MSH3: variants seen among roughly 807,000 people sequenced by gnomAD.
MSH3 encodes the protein DNA mismatch repair protein Msh3.
A neutral mutation model predicts 123.3 loss-of-function variants in MSH3; 106 were observed. The observed-to-expected ratio is 0.86, with a 90% CI of 0.73 to 1.01. The LOEUF (loss-of-function observed/expected upper bound fraction) is 1.01. MSH3 is among the 50% of genes least tolerant of loss of function. The pLI, the probability that MSH3 is intolerant of heterozygous loss-of-function variation, is 0.00. For missense variants in MSH3, 1,459 were observed against 1,347.6 expected, an observed-to-expected ratio of 1.08 and a Z score of -1.29; for synonymous variants, 515 against 481.4, an observed-to-expected ratio of 1.07 and a Z score of -0.91.
rs540342240 is a variant in MSH3 at position 80,831,083 on chromosome 5, A to G, written c.2813+17342A>G. On this transcript the variant is annotated intron_variant, in intron 20 of 23. Transcript: ENST00000265081. ...AAGTCAGAAACATCATAAATCAAAA[A>G]TGCACTTAATACTCCAGTAAGCTCG... Among the ~76,000 whole-genome samples the G allele has an allele frequency of 3.9e-5, 6 of 152,328 alleles. No individual in the cohort carries two copies. The East Asian group carries it at 9.6e-4, about 24-fold the overall frequency.
chr5:80,731,030 G>A (rs750152215), intron 10 of MSH3, among the ~76,000 whole-genome samples: 5 of 150,980 alleles, frequency 3.3e-5, no homozygotes, highest in Non-Finnish European at 7.4e-5. Flanking sequence ...CACCTCCCAA[G>A]TAGCTGGGAT....
rs571589401 is a variant in MSH3 at position 80,772,470 on chromosome 5, T to C, written c.2254-3224T>C. Among the ~76,000 whole-genome samples, 4 of 152,224 alleles carry C rather than the reference T, an allele frequency of 2.6e-5. 1 individual carries two copies. In the East Asian group the frequency reaches 7.7e-4, roughly 29 times the overall value. ...TTGCCAGCCCAGTGATACCACAGGC[T>C]ATATAGATTGAATAACAATATCTGG... is the stretch of plus-strand genomic sequence containing the variant. On this transcript the variant is annotated intron_variant, in intron 15 of 23. Coordinates refer to ENST00000265081, the MANE Select transcript of MSH3 (RefSeq NM_002439.5).
Position 80,864,926 on chromosome 5 carries a change from A to T in MSH3, c.3114A>T (p.Glu1038Asp). 1 of 1,613,962 alleles carries T rather than the reference A, an allele frequency of 6.2e-7. No individual in the cohort carries two copies. ...TGGGATTCTTGGTCAGTGAGGATGA[A>T]AGCAAACTGGATCCAGGTATGAAAT... ...YHMGFLVSEDESKLDPGAAEQ... is the reference protein window; with the variant it reads ...YHMGFLVSEDDSKLDPGAAEQ... Residue 1038 changes from glutamate (E) to aspartate (D), a missense_variant, in exon 22 of 24, where the codon GAA (glutamate) becomes GAT (aspartate). Transcript: ENST00000265081.
chr5:80,874,097 C>G (rs908397387), intron 23 of MSH3, among the ~76,000 whole-genome samples: 11 of 152,076 alleles, frequency 7.2e-5, no homozygotes, highest in African/African-American at 2.7e-4. Flanking sequence ...AATAGAAAAT[C>G]TTGGCTGGCT....
At chr5:80,819,723 G>GT (rs1745171619) in intron 20 of MSH3, among the ~76,000 whole-genome samples, 2 of 152,080 alleles carry the variant, frequency 1.3e-5, no homozygotes, top group Non-Finnish European at 2.9e-5. Context: ...CTGACCTCAG[G>GT]TGATCCGCCC....
At chr5:80,690,139 G>A (rs1206192192) in intron 8 of MSH3, among the ~76,000 whole-genome samples, 5 of 152,028 alleles carry the variant, frequency 3.3e-5, no homozygotes, top group South Asian at 4.1e-4. Flanking sequence ...GGCTGGTCTC[G>A]AACTTCTGGC....
intron 6 of MSH3, among the ~76,000 whole-genome samples, chr5:80,673,875 A>G (rs529482667): frequency 6.6e-6 from 1 of 152,204 alleles, no homozygotes; most frequent in Non-Finnish European, 1.5e-5. Flanking sequence ...AAAAATTACT[A>G]TGGGGGTGGA....
rs1464482208 is a variant in MSH3 at position 80,846,083 on chromosome 5, A to G, written c.2814-8047A>G. 2.6e-5 allele frequency among the ~76,000 whole-genome samples: 4 copies of G among 151,950 alleles called. No homozygotes were observed. In the East Asian group the frequency reaches 7.7e-4, roughly 29 times the overall value. ...TTGATGTTGGTGACCTACAGGTGGC[A>G]TTTTGGTGTGGATGTCCTTTTTGTT... On this transcript the variant is annotated intron_variant, in intron 20 of 23. Transcript: ENST00000265081.
At chr5:80,762,081 A>G (rs570885088) in intron 13 of MSH3, among the ~76,000 whole-genome samples, 35 of 152,204 alleles carry the variant, frequency 2.3e-4, no homozygotes, top group Admixed American at 6.5e-4. Flanking sequence ...CTGCTAGTAT[A>G]ACATCTGTGG....
Position 80,709,397 on chromosome 5 carries a change from C to T in MSH3, c.1341-16056C>T, listed in dbSNP as rs1381225566. ...CAGCACTTTGGGAGGCCAAGGTGGG[C>T]GGATCACGAGGTCAGGAGATCGAGA... On this transcript the variant is annotated intron_variant, in intron 8 of 23. Transcript: ENST00000265081. Among the ~76,000 whole-genome samples, 12 of 152,162 alleles carry T rather than the reference C, an allele frequency of 7.9e-5. No homozygotes were observed. The East Asian group carries it at 1.5e-3, about 20-fold the overall frequency.
At chr5:80,841,263 C>T (rs1274416319) in intron 20 of MSH3, among the ~76,000 whole-genome samples, 40 of 152,144 alleles carry the variant, frequency 2.6e-4, no homozygotes, top group Non-Finnish European at 8.8e-5. Flanking sequence ...CATAGTATTC[C>T]ATGGTGTATA....
At chr5:80,835,892 G>A (rs1054996355) in intron 20 of MSH3, among the ~76,000 whole-genome samples, 23 of 151,984 alleles carry the variant, frequency 1.5e-4, no homozygotes, top group Middle Eastern at 6.8e-3. Context: ...TCCAGCCTGG[G>A]CAACAGAGAG....
chr5:80,695,247 C>A (rs1750450991), intron 8 of MSH3, among the ~76,000 whole-genome samples: 1 of 151,776 alleles, frequency 6.6e-6, no homozygotes, highest in Admixed American at 6.6e-5. Context: ...TTCTGTTTTT[C>A]ATTTCACTGA....
intron 22 of MSH3, among the ~76,000 whole-genome samples, chr5:80,871,722 C>T (rs903212716): frequency 6.6e-6 from 1 of 152,132 alleles, no homozygotes; most frequent in Non-Finnish European, 1.5e-5. Context: ...GAAGCCACAA[C>T]CTTTCTGTAA....
At chr5:80,779,344 C>A (rs1744367843) in intron 17 of MSH3, among the ~76,000 whole-genome samples, 1 of 152,110 alleles carries the variant, frequency 6.6e-6, no homozygotes, top group Admixed American at 6.5e-5. Flanking sequence ...TCTATACACC[C>A]TTCACCTAGG....
intron 10 of MSH3, among the ~76,000 whole-genome samples, chr5:80,738,165 C>A (rs932967041): frequency 2.6e-5 from 4 of 152,170 alleles, no homozygotes; most frequent in Non-Finnish European, 4.4e-5. Flanking sequence ...TTCACAGTTA[C>A]TGGTTTCCTT....
intron 20 of MSH3, among the ~76,000 whole-genome samples, chr5:80,826,845 G>T (rs75201971): frequency 2.2e-4 from 3 of 13,370 alleles, no homozygotes; most frequent in South Asian, 5.3e-3. Flanking sequence ...CACCGCGCCC[G>T]GCCTCCAGAA....
intron 10 of MSH3, among the ~76,000 whole-genome samples, chr5:80,732,172 ATATTATT>A (rs1175237444): frequency 2.0e-5 from 3 of 152,296 alleles, no homozygotes; most frequent in African/African-American, 7.2e-5. Flanking sequence ...AATGTGAGGG[ATATTATT>A]TATTATAACA....
At chr5:80,854,006 C>G in intron 20 of MSH3, 124 bp from the exon 21 acceptor site, 1 of 765,648 alleles carries the variant, frequency 1.3e-6, no homozygotes, top group Admixed American at 2.5e-5. Flanking sequence ...TTAATTTGAG[C>G]TATTATTGGC....
Sources: allele counts gnomAD v4.1 joint callset (sites outside exome capture counted in the v4.1 genomes callset), GRCh38; gene constraint gnomAD v4.1.1; transcripts MANE v1.5; gene names NCBI Gene and HGNC (gene_info 2026-07-23, HGNC 2026-07-21).